STK32B: variants seen among roughly 807,000 people sequenced by gnomAD.
STK32B encodes serine/threonine-protein kinase 32B.
In STK32B, 43 loss-of-function variants were observed where a neutral mutation model predicts 52.6. That is an observed-to-expected ratio of 0.82 (90% CI 0.64 to 1.05). The LOEUF is 1.05. Among genes scored for constraint, STK32B ranks in the 50% least tolerant of loss-of-function variants. The pLI is 0.00. For missense variants in STK32B, 621 were observed against 534.6 expected (o/e 1.16, Z -1.59); for synonymous variants, 238 against 204.3 (o/e 1.17, Z -1.41).
At position 5,171,381 on chromosome 4, in the gene STK32B, C is replaced by A. The variant is rs538404533; in HGVS notation, c.260+2931C>A. 6.6e-5 allele frequency among the ~76,000 whole-genome samples: 10 copies of A among 151,764 alleles called. No individual in the cohort carries two copies. The East Asian group carries it at 1.4e-3, about 21-fold the overall frequency. ...GGTGTTTTAGACATGAAGTCCTTGC[C>A]CATGCCTATGTCCTGAATGGTATTG... On this transcript the variant is annotated intron_variant, in intron 3 of 11. Transcript: ENST00000282908.
chr4:5,257,171 ATGAG>A (rs557588116), intron 3 of STK32B, among the ~76,000 whole-genome samples: 51 of 152,162 alleles, frequency 3.4e-4, no homozygotes, highest in South Asian at 6.2e-4. Flanking sequence ...GAGTGAATGA[ATGAG>A]TGAGTGCACA....
chr4:5,338,245 G>A (rs2108965580), intron 4 of STK32B, among the ~76,000 whole-genome samples: 1 of 152,236 alleles, frequency 6.6e-6, no homozygotes, highest in Middle Eastern at 3.4e-3. Context: ...AACAAACACA[G>A]CAAAATGAAG....
At chr4:5,083,512 T>G (rs1354254522) in intron 1 of STK32B, among the ~76,000 whole-genome samples, 6 of 152,212 alleles carry the variant, frequency 3.9e-5, no homozygotes, top group Non-Finnish European at 8.8e-5. Flanking sequence ...TTAAATCAGA[T>G]GGACTTCATA....
intron 6 of STK32B, among the ~76,000 whole-genome samples, chr4:5,421,771 GA>G (rs1560397992): frequency 6.6e-6 from 1 of 152,190 alleles, no homozygotes. Flanking sequence ...CCTGTATTGG[GA>G]CCTCGCTACC....
At chr4:5,168,204 A>G in intron 2 of STK32B, 95 bp from the exon 3 acceptor site, 1 of 1,477,752 alleles carries the variant, frequency 6.8e-7, no homozygotes, top group Non-Finnish European at 9.1e-7. Context: ...AGGGACGTGA[A>G]TCCAGAAGTA....
intron 1 of STK32B, among the ~76,000 whole-genome samples, chr4:5,088,302 C>G (rs935979473): frequency 2.0e-5 from 3 of 151,934 alleles, no homozygotes; most frequent in Non-Finnish European, 4.4e-5. Flanking sequence ...AACAATTGAA[C>G]TCATGGACAT....
At position 5,499,338 on chromosome 4, in the gene STK32B, C is replaced by A; in HGVS notation, c.*255C>A. The A allele has an allele frequency of 2.5e-6, 1 of 399,496 alleles. No individual in the cohort carries two copies. Among genetic ancestry groups the A allele is most frequent in the Non-Finnish European group, 4.4e-6 (1 of 229,210 alleles). 24.7% of individuals were successfully genotyped at this position (399,496 alleles called of 1,614,324 possible). ...AAAGGGGTTAAACACTTCTGCCCCA[C>A]TTCAAATTACAAGATTATGGGGAGA... On this transcript the variant is annotated 3_prime_UTR_variant, in exon 12 of 12. Transcript: ENST00000282908.
intron 3 of STK32B, among the ~76,000 whole-genome samples, chr4:5,195,574 T>C (rs971134224): frequency 6.6e-6 from 1 of 152,146 alleles, no homozygotes; most frequent in Non-Finnish European, 1.5e-5. Flanking sequence ...GTGCCTGTAA[T>C]TCCAGCTACT....
intron 2 of STK32B, among the ~76,000 whole-genome samples, chr4:5,160,480 C>G (rs1718354172): frequency 6.6e-6 from 1 of 152,082 alleles, no homozygotes; most frequent in African/African-American, 2.4e-5. Context: ...CTCCCCACAC[C>G]TCTGTCCTCA....
intron 1 of STK32B, among the ~76,000 whole-genome samples, chr4:5,067,820 C>T (rs1004095488): frequency 1.3e-4 from 19 of 151,936 alleles, no homozygotes; most frequent in East Asian, 3.9e-4. Flanking sequence ...TCTATCATGG[C>T]GGAAGGCGAA....
chr4:5,104,181 T>G (rs1213566725), intron 1 of STK32B, among the ~76,000 whole-genome samples: 2 of 152,180 alleles, frequency 1.3e-5, no homozygotes, highest in Admixed American at 1.3e-4. Flanking sequence ...AGGAGATAAT[T>G]GAATCGTGGG....
At chr4:5,252,035 T>A (rs1725969282) in intron 3 of STK32B, among the ~76,000 whole-genome samples, 1 of 152,180 alleles carries the variant, frequency 6.6e-6, no homozygotes, top group Non-Finnish European at 1.5e-5. Flanking sequence ...CTTGAACTTT[T>A]CCAACCTGAA....
At chr4:5,099,446 G>GA (rs1231214666) in intron 1 of STK32B, among the ~76,000 whole-genome samples, 1 of 114,854 alleles carries the variant, frequency 8.7e-6, no homozygotes, top group African/African-American at 4.0e-5. Flanking sequence ...GTGTGTGTGT[G>GA]TGTGCGCGCG....
At chr4:5,034,538 A>G in the STK32B span, among the ~76,000 whole-genome samples, 2 of 152,190 alleles carry the variant, frequency 1.3e-5, no homozygotes, top group Admixed American at 1.3e-4. Flanking sequence ...TGCCAGGGCT[A>G]TCTGTCTCAG....
chr4:5,315,300 G>C (rs1730592346), intron 3 of STK32B, among the ~76,000 whole-genome samples: 1 of 152,178 alleles, frequency 6.6e-6, no homozygotes, highest in African/African-American at 2.4e-5. Flanking sequence ...CTGTCAGAAT[G>C]GCTAGCTTAA....
intron 1 of STK32B, among the ~76,000 whole-genome samples, chr4:5,105,920 C>G (rs902068862): frequency 1.3e-4 from 20 of 152,150 alleles, no homozygotes; most frequent in African/African-American, 4.8e-4. Flanking sequence ...GATTGCTTTG[C>G]TTACTTTAAC....
At chr4:5,107,986 A>G (rs1714197764) in intron 1 of STK32B, among the ~76,000 whole-genome samples, 2 of 152,180 alleles carry the variant, frequency 1.3e-5, no homozygotes, top group Admixed American at 1.3e-4. Context: ...CACCTTTATA[A>G]TCACCACTCA....
chr4:5,254,737 A>T (rs1726177884), intron 3 of STK32B, among the ~76,000 whole-genome samples: 1 of 152,176 alleles, frequency 6.6e-6, no homozygotes, highest in Non-Finnish European at 1.5e-5. Context: ...GTACAGTTAT[A>T]GTGGACTTGG....
At chr4:5,221,242 C>G (rs1723517449) in intron 3 of STK32B, among the ~76,000 whole-genome samples, 1 of 152,196 alleles carries the variant, frequency 6.6e-6, no homozygotes, top group Admixed American at 6.5e-5. Context: ...GGTGGCATCT[C>G]TACCTTCACA....
Sources: gnomAD v4.1 joint callset for allele counts (sites outside exome capture counted in the v4.1 genomes callset) on GRCh38, gnomAD v4.1.1 for gene constraint, MANE v1.5 for transcripts, NCBI Gene and HGNC (gene_info 2026-07-23, HGNC 2026-07-21) for gene names.